CNTN4: variants seen among roughly 807,000 people sequenced by gnomAD.
CNTN4 encodes contactin-4.
Under a neutral mutation model 122.5 loss-of-function variants are expected in CNTN4, and 77 were observed. The ratio of observed to expected loss-of-function variants is 0.63; its 90% confidence interval spans 0.52 to 0.76. The LOEUF is 0.76. Ranked by LOEUF, CNTN4 falls within the 30% of genes least tolerant of loss-of-function variation. The pLI, the probability that CNTN4 is intolerant of heterozygous loss-of-function variation, is 0.00. For missense variants in CNTN4, 1,256 were observed against 1,259.1 expected (o/e 1.00, Z 0.04); for synonymous variants, 512 against 447.0 (o/e 1.15, Z -1.83).
intron 12 of CNTN4, among the ~76,000 whole-genome samples, chr3:2,914,488 T>C (rs2094333972): frequency 6.6e-6 from 1 of 151,600 alleles, no homozygotes; most frequent in Non-Finnish European, 1.5e-5. Flanking sequence ...ATAAAAAGAG[T>C]ATAAAGACCA....
intron 2 of CNTN4, among the ~76,000 whole-genome samples, chr3:2,307,567 G>A (rs1190959474): frequency 1.3e-5 from 2 of 151,934 alleles, no homozygotes; most frequent in African/African-American, 2.4e-5. Flanking sequence ...CCTTTTTTAG[G>A]TTTAGGATCT....
intron 4 of CNTN4, among the ~76,000 whole-genome samples, chr3:2,678,080 A>G (rs2084968714): frequency 6.6e-6 from 1 of 152,126 alleles, no homozygotes; most frequent in Admixed American, 6.6e-5. Context: ...GGTAGGAAAA[A>G]AAGGGGGTAC....
At position 2,951,099 on chromosome 3, in the gene CNTN4, G is replaced by A. The variant is rs1037977602; in HGVS notation, c.1358+25320G>A. On this transcript the variant is annotated intron_variant, in intron 13 of 24. Coordinates refer to ENST00000418658, the MANE Select transcript of CNTN4 (RefSeq NM_175607.3). ...AAGGGTTATATGAGGTAACCCACGA[G>A]AAGCTTAGAATTGTGTCTTTTGTTG... is the stretch of plus-strand genomic sequence containing the variant. Among the ~76,000 whole-genome samples the A allele has an allele frequency of 2.0e-5, 3 of 152,172 alleles. No individual in the cohort carries two copies. The East Asian group carries it at 5.8e-4, about 29-fold the overall frequency.
intron 2 of CNTN4, among the ~76,000 whole-genome samples, chr3:2,201,151 C>A (rs184899234): frequency 3.1e-3 from 471 of 152,230 alleles, no homozygotes; most frequent in African/African-American, 0.011. Context: ...ACACTCTACA[C>A]TAAGCTCTTG....
At chr3:3,045,134 C>A (rs1457513641) in intron 23 of CNTN4, among the ~76,000 whole-genome samples, 1 of 152,200 alleles carries the variant, frequency 6.6e-6, no homozygotes, top group Non-Finnish European at 1.5e-5. Context: ...AAATAGCGGC[C>A]TGGAAGCTCA....
intron 4 of CNTN4, among the ~76,000 whole-genome samples, chr3:2,589,821 C>T (rs2080380307): frequency 6.6e-6 from 1 of 152,170 alleles, no homozygotes; most frequent in Admixed American, 6.5e-5. Context: ...CATGGAGCTC[C>T]CTATGGCTGC....
In CNTN4 at chr3:3,056,120, A is replaced by T. The variant is rs1358287397; in HGVS notation, c.2981A>T (p.Asn994Ile). The T allele has an allele frequency of 6.2e-7, 1 of 1,613,216 alleles. No individual in the cohort carries two copies. Among genetic ancestry groups the T allele is most frequent in the East Asian group, 2.2e-5 (1 of 44,870 alleles). ...SEQIRIPKIS[N>I]AYARGSGAST... ...GAGTGAATTTGTTCTCTCTTTTCAG[A>T]TGCCTACGCGAGAGGATCTGGGGCT... is the stretch of plus-strand genomic sequence containing the variant. The change falls in exon 25 of 25, where the codon AAT becomes ATT. Residue 994 changes from asparagine to isoleucine, a missense_variant and splice_region_variant. Asn to Ile is a moderately radical substitution (Grantham distance 149). Coordinates refer to ENST00000418658, the MANE Select transcript of CNTN4 (RefSeq NM_175607.3).
chr3:2,659,666 A>G (rs1009055894), intron 4 of CNTN4, among the ~76,000 whole-genome samples: 2 of 152,054 alleles, frequency 1.3e-5, no homozygotes, highest in Non-Finnish European at 2.9e-5. Flanking sequence ...CACTTATTTG[A>G]CTTGGCTTTC....
chr3:2,190,183 A>G (rs1252603952), intron 2 of CNTN4, among the ~76,000 whole-genome samples: 1 of 152,222 alleles, frequency 6.6e-6, no homozygotes, highest in Non-Finnish European at 1.5e-5. Context: ...CACTAGAATG[A>G]TAATGGGCAA....
intron 2 of CNTN4, among the ~76,000 whole-genome samples, chr3:2,109,409 G>A (rs1193880962): frequency 6.6e-6 from 1 of 152,036 alleles, no homozygotes; most frequent in Non-Finnish European, 1.5e-5. Flanking sequence ...ATGATTTGTT[G>A]TTGTTGTTGT....
At chr3:2,721,902 G>C (rs980306445) in intron 4 of CNTN4, among the ~76,000 whole-genome samples, 4 of 152,176 alleles carry the variant, frequency 2.6e-5, no homozygotes, top group African/African-American at 9.6e-5. Flanking sequence ...CCATGAATGA[G>C]ATTAGCACCC....
Position 2,889,095 on chromosome 3 carries a change from C to G in CNTN4, c.940+1871C>G, listed in dbSNP as rs531761524. Among the ~76,000 whole-genome samples, 3 of 152,240 alleles carry G rather than the reference C, an allele frequency of 2.0e-5. No individual in the cohort carries two copies. The South Asian group carries it at 6.2e-4, about 32-fold the overall frequency. On this transcript the variant is annotated intron_variant, in intron 10 of 24. Coordinates refer to ENST00000418658, the MANE Select transcript of CNTN4 (RefSeq NM_175607.3). ...AAGAAAAAGCTATGGCCAAAGAATT[C>G]TGATCGATAATCACGTAACATTTTT...
intron 3 of CNTN4, among the ~76,000 whole-genome samples, chr3:2,420,222 G>A (rs2047564155): frequency 6.6e-6 from 1 of 152,054 alleles, no homozygotes. Flanking sequence ...AAAAACTGTG[G>A]GAAATTGCAC....
intron 23 of CNTN4, among the ~76,000 whole-genome samples, chr3:3,045,254 C>T (rs1700525670): frequency 6.6e-6 from 1 of 152,184 alleles, no homozygotes; most frequent in African/African-American, 2.4e-5. Flanking sequence ...ACTTAAATGT[C>T]CCTGTCTGAC....
At chr3:2,285,076 G>A (rs560683578) in intron 2 of CNTN4, among the ~76,000 whole-genome samples, 10 of 151,810 alleles carry the variant, frequency 6.6e-5, no homozygotes, top group African/African-American at 2.4e-4. Flanking sequence ...TTAGAATGAG[G>A]ACTGCTCAGT....
chr3:2,181,777 G>C (rs569251839), intron 2 of CNTN4, among the ~76,000 whole-genome samples: 45 of 152,148 alleles, frequency 3.0e-4, no homozygotes, highest in African/African-American at 9.9e-4. Context: ...TCACAGCTTG[G>C]GTGAACAAAG....
At chr3:2,315,826 T>A (rs938211340) in intron 2 of CNTN4, among the ~76,000 whole-genome samples, 1 of 152,198 alleles carries the variant, frequency 6.6e-6, no homozygotes, top group East Asian at 1.9e-4. Context: ...TATAAAACTT[T>A]TAAAAATTTG....
intron 8 of CNTN4, among the ~76,000 whole-genome samples, chr3:2,873,927 C>A (rs1006558145): frequency 6.6e-6 from 1 of 152,142 alleles, no homozygotes; most frequent in Non-Finnish European, 1.5e-5. Flanking sequence ...CTAATTGCAA[C>A]CTTTGTGTGG....
intron 2 of CNTN4, among the ~76,000 whole-genome samples, chr3:2,205,794 CTGTT>C (rs71993074): frequency 0.02 from 2,980 of 152,048 alleles, 110 homozygotes; most frequent in African/African-American, 0.068. Context: ...AAAAAAACAG[CTGTT>C]TGTTTTTTTT....
Sources: gnomAD v4.1 joint callset for allele counts (sites outside exome capture counted in the v4.1 genomes callset) on GRCh38, gnomAD v4.1.1 for gene constraint, MANE v1.5 for transcripts, NCBI Gene and HGNC (gene_info 2026-07-23, HGNC 2026-07-21) for gene names.